Variants in POLD3 observed in about 807,000 individuals in gnomAD.
POLD3 encodes DNA polymerase delta subunit 3.
A neutral mutation model predicts 58.2 loss-of-function variants in POLD3; 19 were observed. That is an observed-to-expected ratio of 0.33 (90% CI 0.23 to 0.48). The LOEUF is 0.48. Among genes scored for constraint, POLD3 ranks in the 20% least tolerant of loss-of-function variants. POLD3 has a pLI of 0.99. For synonymous variants in POLD3, 172 were observed against 193.5 expected (o/e 0.89, Z 0.92); for missense variants, 504 against 545.5 (o/e 0.92, Z 0.76).
intron 4 of POLD3, among the ~76,000 whole-genome samples, chr11:74,664,278 A>G (rs974894178): frequency 1.3e-5 from 2 of 152,194 alleles, no homozygotes; most frequent in Non-Finnish European, 2.9e-5. Flanking sequence ...TACTGTAAAT[A>G]TTTACCCAAG....
chr11:74,593,026 CT>C, intron 1 of POLD3: 1 of 1,216,730 alleles, frequency 8.2e-7, no homozygotes, highest in Admixed American at 3.6e-5. Flanking sequence ...GTCCCTACAC[CT>C]TTCTTTTAAG....
At position 74,604,535 on chromosome 11, in the gene POLD3, T is replaced by C. The variant is rs2031610958; in HGVS notation, c.117-157T>C. 5 of 584,572 alleles carry C rather than the reference T, an allele frequency of 8.6e-6. No individual in the cohort carries two copies. In the East Asian group the frequency reaches 1.4e-4, roughly 17 times the overall value. The allele number at this position is 584,572 out of a possible 1,614,324, so 36.2% of individuals were successfully genotyped here. ...ATGTCCTGTCTGAAGTCCATCCTTT[T>C]TTTTTTTCAACTGTCCATAGGCCAA... is the stretch of plus-strand genomic sequence containing the variant. On this transcript the variant is annotated intron_variant, in intron 2 of 11. Transcript: ENST00000263681.
At chr11:74,596,330 T>C (rs1052743721) in intron 2 of POLD3, among the ~76,000 whole-genome samples, 46 of 151,722 alleles carry the variant, frequency 3.0e-4, no homozygotes, top group African/African-American at 1.1e-3. Context: ...ACTACAGGCA[T>C]GTGCCACCAT....
intron 4 of POLD3, among the ~76,000 whole-genome samples, chr11:74,665,323 CAAAA>C (rs143931611): frequency 1.7e-5 from 2 of 120,456 alleles, no homozygotes; most frequent in African/African-American, 3.2e-5. Context: ...GACTCTGTCT[CAAAA>C]AAAAAAAAAA....
chr11:74,665,391 A>AT (rs1202426924), intron 4 of POLD3, among the ~76,000 whole-genome samples: 42,275 of 82,570 alleles, frequency 0.51, 12,440 homozygotes, highest in Non-Finnish European at 0.63. Flanking sequence ...CCCTTTTATA[A>AT]TTTTTTTTTT....
Position 74,641,527 on chromosome 11 carries a change from G to A in POLD3, c.*761G>A. ...TCGAGTCAGCATTGACGATATTGGA[G>A]GAGCTGCCGTGCTGCTGATACGGGG... On this transcript the variant is annotated 3_prime_UTR_variant, in exon 12 of 12. Coordinates refer to ENST00000263681, the MANE Select transcript of POLD3 (RefSeq NM_006591.3). 1 of 985,432 alleles carries A rather than the reference G, an allele frequency of 1.0e-6. No individual in the cohort carries two copies. The highest frequency in any genetic ancestry group is 1.2e-6 in the Non-Finnish European group (1 of 829,930). The allele number at this position is 985,432 out of a possible 1,614,324, so 61.0% of individuals were successfully genotyped here.
intron 3 of POLD3, among the ~76,000 whole-genome samples, chr11:74,609,366 ATATATATTTTTTTTTTTT>A (rs1374287084): frequency 7.0e-5 from 3 of 42,588 alleles, no homozygotes; most frequent in African/African-American, 5.8e-4. Context: ...ATATATATAT[ATATATATTTTTTTTTTTT>A]TTTTTTTTTT....
intron 4 of POLD3, among the ~76,000 whole-genome samples, chr11:74,652,459 C>A (rs2033078649): frequency 6.6e-6 from 1 of 152,212 alleles, no homozygotes. Context: ...TAGAGACCAA[C>A]TCTAATTTAA....
At chr11:74,659,345 G>A (rs574956538) in intron 4 of POLD3, among the ~76,000 whole-genome samples, 2 of 152,244 alleles carry the variant, frequency 1.3e-5, no homozygotes, top group Admixed American at 6.5e-5. Flanking sequence ...CTCTGGGCCT[G>A]TGATGGGAGG....
intron 4 of POLD3, among the ~76,000 whole-genome samples, chr11:74,649,063 G>A (rs182903652): frequency 6.9e-4 from 105 of 152,198 alleles, no homozygotes; most frequent in African/African-American, 2.5e-3. Context: ...GTTAAACCAT[G>A]GAGATGGGAT....
At chr11:74,659,962 ACCAATTTACTATAT>A (rs1216957001) in intron 4 of POLD3, among the ~76,000 whole-genome samples, 11 of 152,318 alleles carry the variant, frequency 7.2e-5, no homozygotes, top group African/African-American at 2.4e-4. Flanking sequence ...CTCTACTGGT[ACCAATTTACTATAT>A]TAGTCCATTT....
At position 74,641,602 on chromosome 11, in the gene POLD3, C is replaced by T. The variant is rs187645258; in HGVS notation, c.*836C>T. ...TTTGTTGATCCCCTCCTCCCCCACT[C>T]TCAATACCTAGAGAGTGAAACCCGT... is the stretch of plus-strand genomic sequence containing the variant. On this transcript the variant is annotated 3_prime_UTR_variant, in exon 12 of 12. Coordinates refer to ENST00000263681, the MANE Select transcript of POLD3 (RefSeq NM_006591.3). 1.0e-6 allele frequency: 1 copy of T among 985,434 alleles called. No homozygotes were observed. Among genetic ancestry groups the T allele is most frequent in the Non-Finnish European group, 1.2e-6 (1 of 829,958 alleles). The allele number at this position is 985,434 out of a possible 1,614,324, so 61.0% of individuals were successfully genotyped here.
rs147451733 is a variant in POLD3, at chr11:74,607,244, A to T, written c.219+2450A>T. On this transcript the variant is annotated intron_variant, in intron 3 of 11. Coordinates refer to ENST00000263681, the MANE Select transcript of POLD3 (RefSeq NM_006591.3). The stretch of plus-strand genomic sequence containing the variant: ...GTATGGAATTTATTATTATTATTAT[A>T]TATTTATTTATTTATTTATTTATTT... 9.4e-3 allele frequency among the ~76,000 whole-genome samples: 1,158 copies of T among 123,430 alleles called. 25 individuals carry two copies. The highest frequency in any genetic ancestry group is 0.04 in the African/African-American group (1,052 of 26,468). 81.0% of individuals were successfully genotyped at this position (123,430 alleles called of 152,430 possible).
At position 74,642,033 on chromosome 11, in the gene POLD3, G is replaced by A. The variant is rs1003673479; in HGVS notation, c.*1267G>A. 4 of 985,470 alleles carry A rather than the reference G, an allele frequency of 4.1e-6. No individual in the cohort carries two copies. In the African/African-American group the frequency reaches 7.0e-5, roughly 17 times the overall value. The allele number at this position is 985,470 out of a possible 1,614,324, so 61.0% of individuals were successfully genotyped here. Reference sequence around the variant, plus strand: ...TTGCACAGTGAGCTCTGCGGAAGGGGTCAGGCTCAACTGCTGATGTGTCTC... The same window carrying A: ...TTGCACAGTGAGCTCTGCGGAAGGGATCAGGCTCAACTGCTGATGTGTCTC... On this transcript the variant is annotated 3_prime_UTR_variant, in exon 12 of 12. Coordinates refer to ENST00000263681, the MANE Select transcript of POLD3 (RefSeq NM_006591.3).
At chr11:74,602,799 T>C (rs1232305338) in intron 2 of POLD3, among the ~76,000 whole-genome samples, 1 of 152,234 alleles carries the variant, frequency 6.6e-6, no homozygotes, top group Non-Finnish European at 1.5e-5. Context: ...ACCGTCCTTA[T>C]TCCACTACAG....
chr11:74,629,591 T>C lies in POLD3; in HGVS notation c.1006+268T>C, dbSNP rs144361076. 4.9e-3 allele frequency among the ~76,000 whole-genome samples: 749 copies of C among 151,888 alleles called. 5 individuals carry two copies. The highest frequency in any genetic ancestry group is 0.034 in the Middle Eastern group (10 of 294). Reference sequence around the variant, plus strand: ...AAGACTTTTTCTTTTCTTTTCTTTTTTTTTTTTACTTTTAAGGGGAGGATA... The same window carrying C: ...AAGACTTTTTCTTTTCTTTTCTTTTCTTTTTTTACTTTTAAGGGGAGGATA... On this transcript the variant is annotated intron_variant, in intron 9 of 11. Transcript: ENST00000263681.
intron 3 of POLD3, among the ~76,000 whole-genome samples, chr11:74,608,685 G>A (rs946160661): frequency 1.1e-4 from 16 of 152,074 alleles, no homozygotes; most frequent in African/African-American, 3.4e-4. Flanking sequence ...ATAGCCACAC[G>A]GACCTGTCTG....
intron 11 of POLD3, among the ~76,000 whole-genome samples, chr11:74,640,279 G>A (rs12282266): frequency 0.43 from 64,650 of 151,980 alleles, 14,637 homozygotes; most frequent in Non-Finnish European, 0.51. Context: ...AAGGATTTAG[G>A]CAATTCACTG....
intron 4 of POLD3, among the ~76,000 whole-genome samples, chr11:74,653,252 T>C (rs1294009468): frequency 1.3e-5 from 2 of 152,212 alleles, no homozygotes; most frequent in Admixed American, 6.5e-5. Flanking sequence ...GAGGATCTTA[T>C]TTTACTGCCA....
Sources: gnomAD v4.1 joint callset for allele counts (sites outside exome capture counted in the v4.1 genomes callset) on GRCh38, gnomAD v4.1.1 for gene constraint, MANE v1.5 for transcripts, NCBI Gene and HGNC (gene_info 2026-07-23, HGNC 2026-07-21) for gene names.